The following PHF2 variants were observed in gnomAD, a reference collection of about 807,000 sequenced individuals.
PHF2 encodes PHD finger protein 2.
In PHF2, 27 loss-of-function variants were observed where a neutral mutation model predicts 120.5. The ratio of observed to expected loss-of-function variants is 0.22; its 90% CI spans 0.17 to 0.31. The LOEUF is 0.31. Ranked by LOEUF, PHF2 falls within the 10% of genes least tolerant of loss-of-function variation. The pLI, the probability that PHF2 is intolerant of heterozygous loss-of-function variation, is 1.00. For synonymous variants in PHF2, 568 were observed against 592.5 expected (o/e 0.96, Z 0.60); for missense variants, 1,024 against 1,434.8 (o/e 0.71, Z 4.63).
chr9:93,657,619 T>C (rs1826483820), intron 9 of PHF2, among the ~76,000 whole-genome samples: 1 of 152,196 alleles, frequency 6.6e-6, no homozygotes, highest in African/African-American at 2.4e-5. Flanking sequence ...CCCAGGGAGC[T>C]GCCATGGTCC....
At chr9:93,597,860 C>G (rs1349226763) in intron 1 of PHF2, among the ~76,000 whole-genome samples, 2 of 152,152 alleles carry the variant, frequency 1.3e-5, no homozygotes, top group Non-Finnish European at 2.9e-5. Context: ...GAACTCTCCC[C>G]TCTTCCTCTC....
In PHF2 at chr9:93,655,931, C is replaced by T; in HGVS notation, c.953-3C>T. ...GCACCAGCCACTCCTGTCTCTCTCC[C>T]AGGCTGGATCTACGCCACACTCACC... On this transcript the variant is annotated splice_polypyrimidine_tract_variant and splice_region_variant and intron_variant, in intron 7 of 21. Transcript: ENST00000359246. 1 of 1,610,340 alleles carries T rather than the reference C, an allele frequency of 6.2e-7. No homozygotes were observed. The highest frequency in any genetic ancestry group is 1.1e-5 in the South Asian group (1 of 90,508).
intron 17 of PHF2, among the ~76,000 whole-genome samples, chr9:93,667,557 G>A (rs75655550): frequency 0.012 from 1,815 of 152,040 alleles, 41 homozygotes; most frequent in African/African-American, 0.042. Context: ...TACTACAGAC[G>A]GGTAACTCAG....
chr9:93,618,015 A>C (rs116277697), intron 1 of PHF2, among the ~76,000 whole-genome samples: 1,547 of 152,358 alleles, frequency 0.01, 26 homozygotes, highest in African/African-American at 0.035. Flanking sequence ...AGTCCAATCA[A>C]GTTGACAGTC....
intron 12 of PHF2, among the ~76,000 whole-genome samples, chr9:93,662,557 TGG>T (rs1826591980): frequency 1.5e-5 from 2 of 135,548 alleles, no homozygotes; most frequent in South Asian, 2.1e-4. Flanking sequence ...GATGGATGGA[TGG>T]ATGGATGGAT....
chr9:93,663,603 C>T lies in PHF2; in HGVS notation c.1905C>T (p.Phe635=), dbSNP rs776059761. 1.9e-6 allele frequency: 3 copies of T among 1,612,784 alleles called. No homozygotes were observed. ...TAGCTGGAAACAAAGACAATAAGTT[C>T]TCTTTTTCTTTCTCCAACAAGAAAC... is the stretch of plus-strand genomic sequence containing the variant. ...SPLAGNKDNK[F]SFSFSNKKLL... Residue 635 remains phenylalanine, a synonymous_variant, in exon 14 of 22, where the codon TTC becomes TTT. Coordinates refer to ENST00000359246, the MANE Select transcript of PHF2 (RefSeq NM_005392.4).
intron 17 of PHF2, among the ~76,000 whole-genome samples, chr9:93,671,788 A>G (rs1372732606): frequency 9.8e-5 from 14 of 142,990 alleles, no homozygotes; most frequent in Non-Finnish European, 2.0e-4. Flanking sequence ...GTACAGGTGT[A>G]GATGCAGGTG....
At chr9:93,617,808 G>C (rs1222989657) in intron 1 of PHF2, among the ~76,000 whole-genome samples, 2 of 152,166 alleles carry the variant, frequency 1.3e-5, no homozygotes, top group Non-Finnish European at 2.9e-5. Flanking sequence ...AAAGATGTAG[G>C]CTGGGAGGCT....
intron 17 of PHF2, among the ~76,000 whole-genome samples, chr9:93,669,812 A>T (rs983111870): frequency 6.6e-6 from 1 of 152,100 alleles, no homozygotes; most frequent in Non-Finnish European, 1.5e-5. Flanking sequence ...GCAGAGCCTC[A>T]GTCTTGGGAG....
At chr9:93,611,095 T>C (rs1477909402) in intron 1 of PHF2, among the ~76,000 whole-genome samples, 1 of 152,218 alleles carries the variant, frequency 6.6e-6, no homozygotes, top group Non-Finnish European at 1.5e-5. Flanking sequence ...ACTTGCATTC[T>C]ATACAGATTT....
Position 93,653,169 on chromosome 9 carries a change from C to T in PHF2, c.603-10C>T, listed in dbSNP as rs762278377. On this transcript the variant is annotated splice_polypyrimidine_tract_variant and intron_variant, in intron 5 of 21. Coordinates refer to ENST00000359246, the MANE Select transcript of PHF2 (RefSeq NM_005392.4). ...CAGGTTCCCTCACCACCTTCCTCTC[C>T]CACCCCTAGAATGTCCAGCTTCGTG... The T allele has an allele frequency of 6.6e-5, 107 of 1,612,406 alleles. 1 individual carries two copies. The South Asian group carries it at 1.1e-3, about 17-fold the overall frequency.
At chr9:93,599,291 A>G (rs1206636364) in intron 1 of PHF2, among the ~76,000 whole-genome samples, 1 of 152,198 alleles carries the variant, frequency 6.6e-6, no homozygotes, top group African/African-American at 2.4e-5. Flanking sequence ...GGCAGGGATT[A>G]GGTGGCACTG....
Position 93,659,420 on chromosome 9 carries a change from C to T in PHF2, c.1240-91C>T, listed in dbSNP as rs532942794. On this transcript the variant is annotated intron_variant, in intron 10 of 21. Transcript: ENST00000359246. ...TCGCCTCATGCTCATCTGAGTGGCT[C>T]GGCAGTCAGGCGACAGCCTGCAAGA... is the stretch of plus-strand genomic sequence containing the variant. 50 of 1,027,838 alleles carry T rather than the reference C, an allele frequency of 4.9e-5. 1 individual carries two copies. In the East Asian group the frequency reaches 8.6e-4, roughly 18 times the overall value. 63.7% of individuals were successfully genotyped at this position (1,027,838 alleles called of 1,614,324 possible).
intron 17 of PHF2, among the ~76,000 whole-genome samples, chr9:93,672,086 G>A (rs1587721944): frequency 7.3e-6 from 1 of 136,774 alleles, no homozygotes; most frequent in Non-Finnish European, 1.6e-5. Flanking sequence ...AGATGCAGGT[G>A]TGGGTGTGGA....
rs1825971116 is a variant in PHF2, at chr9:93,629,873, A to G, written c.99-97A>G. On this transcript the variant is annotated intron_variant, in intron 1 of 21. Coordinates refer to ENST00000359246, the MANE Select transcript of PHF2 (RefSeq NM_005392.4). Reference sequence around the variant, plus strand: ...TGTGCTCCATCTGGCCCAGGTTCCCAGACAATGAGCAGGGATTCTCCCTAG... The same window carrying G: ...TGTGCTCCATCTGGCCCAGGTTCCCGGACAATGAGCAGGGATTCTCCCTAG... 4 of 1,211,480 alleles carry G rather than the reference A, an allele frequency of 3.3e-6. No homozygotes were observed. In the South Asian group the frequency reaches 4.9e-5, roughly 15 times the overall value. The allele number at this position is 1,211,480 out of a possible 1,614,324, so 75.0% of individuals were successfully genotyped here. A position where few individuals can be genotyped will look rare whatever the true frequency, so the allele number is the denominator to read the frequency against.
rs192728764 is a variant in PHF2 at position 93,647,688 on chromosome 9, G to A, written c.461-1383G>A. The stretch of plus-strand genomic sequence containing the variant: ...GTGGATTTCTTGAGGCCAGGAGTTC[G>A]AGACCAGCCTGGCCAACATGGCAAA... On this transcript the variant is annotated intron_variant, in intron 4 of 21. Coordinates refer to ENST00000359246, the MANE Select transcript of PHF2 (RefSeq NM_005392.4). Among the ~76,000 whole-genome samples, 8 of 152,194 alleles carry A rather than the reference G, an allele frequency of 5.3e-5. No homozygotes were observed. The East Asian group carries it at 1.2e-3, about 22-fold the overall frequency.
chr9:93,619,924 C>G (rs1480175336), intron 1 of PHF2, among the ~76,000 whole-genome samples: 1 of 152,224 alleles, frequency 6.6e-6, no homozygotes, highest in Admixed American at 6.5e-5. Flanking sequence ...GGCACCGCCT[C>G]TCTCAGCTCC....
chr9:93,578,678 C>G (rs902956533), intron 1 of PHF2, among the ~76,000 whole-genome samples: 6 of 152,190 alleles, frequency 3.9e-5, no homozygotes, highest in African/African-American at 1.2e-4. Context: ...TAGTTCTGAA[C>G]TAGACTTCGA....
intron 1 of PHF2, among the ~76,000 whole-genome samples, chr9:93,624,651 G>A (rs1825879095): frequency 6.7e-6 from 1 of 149,680 alleles, no homozygotes; most frequent in South Asian, 2.2e-4. Context: ...GGCAATGTTG[G>A]TGATGGTGTT....
Sources: allele counts gnomAD v4.1 joint callset (sites outside exome capture counted in the v4.1 genomes callset), GRCh38; gene constraint gnomAD v4.1.1; transcripts MANE v1.5; gene names NCBI Gene and HGNC (gene_info 2026-07-23, HGNC 2026-07-21).